The following KALRN variants were observed in gnomAD, a reference collection of about 807,000 sequenced individuals.
KALRN encodes kalirin RhoGEF kinase.
In KALRN, 70 loss-of-function variants were observed where a neutral mutation model predicts 353.7. The ratio of observed to expected loss-of-function variants is 0.20; its 90% CI spans 0.16 to 0.24. The LOEUF is 0.24. Ranked by LOEUF, KALRN falls within the 10% of genes least tolerant of loss-of-function variation. KALRN has a pLI of 1.00. For synonymous variants in KALRN, 1,391 were observed against 1,434.8 expected, an observed-to-expected ratio of 0.97 and a Z score of 0.69; for missense variants, 2,791 against 3,756.7, an observed-to-expected ratio of 0.74 and a Z score of 6.72.
At chr3:124,196,083 C>T (rs946808601) in intron 1 of KALRN, among the ~76,000 whole-genome samples, 5 of 152,096 alleles carry the variant, frequency 3.3e-5, no homozygotes, top group African/African-American at 9.7e-5. Context: ...ATTGAGAACC[C>T]CTAGAATTGC....
In KALRN at chr3:124,430,784, C is replaced by T; in HGVS notation, c.2829+9C>T. On this transcript the variant is annotated intron_variant, in intron 16 of 59. Transcript: ENST00000682506. ...TCCAACTGGCCATCGAGGTAACACC[C>T]AAATCTGGCTGCACTGTCCTCCCTT... 6.2e-7 allele frequency: 1 copy of T among 1,613,208 alleles called. No homozygotes were observed. Among genetic ancestry groups the T allele is most frequent in the Non-Finnish European group, 8.5e-7 (1 of 1,179,688 alleles).
At chr3:124,209,764 A>G (rs555723798) in intron 1 of KALRN, among the ~76,000 whole-genome samples, 16 of 152,360 alleles carry the variant, frequency 1.1e-4, no homozygotes, top group African/African-American at 3.6e-4. Context: ...TAGAATCTTA[A>G]CTTTTGCACT....
intron 1 of KALRN, among the ~76,000 whole-genome samples, chr3:124,060,794 G>A (rs149420209): frequency 2.6e-5 from 4 of 152,238 alleles, no homozygotes; most frequent in African/African-American, 9.6e-5. Flanking sequence ...CTGACACCAT[G>A]ACTTGCCTGG....
intron 34 of KALRN, among the ~76,000 whole-genome samples, chr3:124,614,875 C>G (rs1456686249): frequency 6.6e-6 from 1 of 152,194 alleles, no homozygotes; most frequent in African/African-American, 2.4e-5. Context: ...CCCAGCTAAC[C>G]ACCTTCATTA....
At chr3:124,195,147 A>G (rs2075303330) in intron 1 of KALRN, among the ~76,000 whole-genome samples, 2 of 152,190 alleles carry the variant, frequency 1.3e-5, no homozygotes, top group Non-Finnish European at 2.9e-5. Context: ...GAAACCACAT[A>G]CACTCTTTCA....
At chr3:124,170,945 C>T (rs1481650300) in intron 1 of KALRN, among the ~76,000 whole-genome samples, 1 of 135,476 alleles carries the variant, frequency 7.4e-6, no homozygotes, top group African/African-American at 2.7e-5. Flanking sequence ...TCCCAAGTAG[C>T]TGGGATTATA....
intron 5 of KALRN, among the ~76,000 whole-genome samples, chr3:124,294,907 C>T (rs1237406726): frequency 6.6e-6 from 1 of 152,166 alleles, no homozygotes; most frequent in Non-Finnish European, 1.5e-5. Context: ...ACTATCTCTT[C>T]AAATGAGGAG....
chr3:124,464,777 G>A (rs1333039349), intron 25 of KALRN, among the ~76,000 whole-genome samples: 1 of 139,246 alleles, frequency 7.2e-6, no homozygotes, highest in Non-Finnish European at 1.5e-5. Context: ...CAGCAAACAA[G>A]AATCAAGAAC....
chr3:124,239,606 A>T (rs141173561), intron 3 of KALRN, among the ~76,000 whole-genome samples: 1 of 152,250 alleles, frequency 6.6e-6, no homozygotes, highest in African/African-American at 2.4e-5. Context: ...TTATTTGATA[A>T]CATTTGCTCT....
chr3:124,541,009 C>T (rs951019765), intron 33 of KALRN, among the ~76,000 whole-genome samples: 2 of 152,044 alleles, frequency 1.3e-5, no homozygotes, highest in African/African-American at 2.4e-5. Flanking sequence ...AGTTGCTAGT[C>T]ACAGCCTGTT....
intron 2 of KALRN, among the ~76,000 whole-genome samples, chr3:124,231,666 CATTA>C (rs2079168175): frequency 6.6e-6 from 1 of 152,084 alleles, no homozygotes; most frequent in African/African-American, 2.4e-5. Flanking sequence ...CATTAAAATA[CATTA>C]ACATTTTAAG....
intron 33 of KALRN, among the ~76,000 whole-genome samples, chr3:124,512,850 G>A (rs1284753507): frequency 1.3e-5 from 2 of 151,868 alleles, no homozygotes; most frequent in Non-Finnish European, 2.9e-5. Context: ...GTCTTTTTTA[G>A]TTTTTGTATT....
At chr3:124,715,263 C>A (rs564142822) in intron 58 of KALRN, among the ~76,000 whole-genome samples, 8 of 152,238 alleles carry the variant, frequency 5.3e-5, no homozygotes, top group African/African-American at 1.9e-4. Context: ...TCTCATTATC[C>A]TGTTATGCTT....
At chr3:124,660,278 C>A (rs1195135256) in intron 43 of KALRN, among the ~76,000 whole-genome samples, 2 of 152,184 alleles carry the variant, frequency 1.3e-5, no homozygotes, top group East Asian at 3.9e-4. Context: ...TCTTATGGAA[C>A]TAGGAGGCTA....
intron 47 of KALRN, among the ~76,000 whole-genome samples, chr3:124,669,845 A>G (rs2086162646): frequency 1.3e-5 from 2 of 152,196 alleles, no homozygotes; most frequent in Admixed American, 1.3e-4. Flanking sequence ...AATACCCGAT[A>G]TAATGTACAT....
intron 33 of KALRN, among the ~76,000 whole-genome samples, chr3:124,537,356 A>C (rs563873131): frequency 1.3e-5 from 2 of 152,312 alleles, no homozygotes; most frequent in Admixed American, 1.3e-4. Context: ...GAAATTTTTT[A>C]AAACCACGAT....
In KALRN at chr3:124,095,019, GAGAA is replaced by G. The variant is rs1282713854; in HGVS notation, c.73+61207_73+61210del. On this transcript the variant is annotated intron_variant, in intron 1 of 59. Coordinates refer to ENST00000682506, the MANE Select transcript of KALRN (RefSeq NM_001388419.1). The stretch of plus-strand genomic sequence containing the variant: ...AGAGGGGAGGGGGGTCAAGAAGAGA[GAGAA>G]GGAATGAAACAGAGGCAAGTAGCAA... The G allele has an allele frequency of 1.7e-5, 17 of 997,498 alleles. No individual in the cohort carries two copies. The East Asian group carries it at 3.9e-4, about 23-fold the overall frequency. 61.8% of individuals were successfully genotyped at this position (997,498 alleles called of 1,614,324 possible). A position where few individuals can be genotyped will look rare whatever the true frequency, so the allele number is the denominator to read the frequency against.
intron 1 of KALRN, chr3:124,082,283 T>C (rs896772935): frequency 6.4e-6 from 3 of 471,076 alleles, no homozygotes; most frequent in Non-Finnish European, 4.4e-6. Flanking sequence ...TAACCTCAAG[T>C]ATCTTTGATG....
intron 36 of KALRN, among the ~76,000 whole-genome samples, chr3:124,635,122 A>G (rs992251328): frequency 6.6e-6 from 1 of 152,168 alleles, no homozygotes; most frequent in East Asian, 1.9e-4. Flanking sequence ...CCCTGTCTTC[A>G]GGGCCAGCTC....
Sources: allele counts gnomAD v4.1 joint callset (sites outside exome capture counted in the v4.1 genomes callset), GRCh38; gene constraint gnomAD v4.1.1; transcripts MANE v1.5; gene names NCBI Gene and HGNC (gene_info 2026-07-23, HGNC 2026-07-21).